Variants in CCDC149 observed in about 807,000 individuals in gnomAD.
CCDC149 encodes the protein coiled-coil domain-containing protein 149.
CCDC149 carries 45 observed loss-of-function variants against 59.9 expected under a neutral mutation model. That is an observed-to-expected ratio of 0.75 (90% confidence interval 0.59 to 0.96). The LOEUF is 0.96. Ranked by LOEUF, CCDC149 falls within the 40% of genes least tolerant of loss-of-function variation. The pLI is 0.00. For synonymous variants in CCDC149, 245 were observed against 260.6 expected (o/e 0.94, Z 0.58); for missense variants, 584 against 664.7 (o/e 0.88, Z 1.33).
At chr4:24,969,598 C>T (rs934714612) in intron 1 of CCDC149, among the ~76,000 whole-genome samples, 3 of 152,222 alleles carry the variant, frequency 2.0e-5, no homozygotes, top group Non-Finnish European at 2.9e-5. Context: ...CAAGCTGGAC[C>T]TGGTGCTCCT....
chr4:24,811,250 C>T (rs1714576691), intron 12 of CCDC149, among the ~76,000 whole-genome samples: 1 of 152,162 alleles, frequency 6.6e-6, no homozygotes, highest in Non-Finnish European at 1.5e-5. Flanking sequence ...TCCAATATCA[C>T]CTCATCTTTC....
chr4:24,872,488 C>T (rs1719103411), intron 3 of CCDC149, among the ~76,000 whole-genome samples: 2 of 152,130 alleles, frequency 1.3e-5, no homozygotes, highest in Admixed American at 6.5e-5. Flanking sequence ...TATTATGCAC[C>T]CACAGAATGG....
chr4:24,916,795 T>TGG (rs142435621), upstream of CCDC149, among the ~76,000 whole-genome samples: 1 of 140,310 alleles, frequency 7.1e-6, no homozygotes. Flanking sequence ...ATGGTGTGTG[T>TGG]GTGTGTGTGT....
chr4:24,805,772 C>T (rs1057287737), downstream of CCDC149, among the ~76,000 whole-genome samples: 4 of 152,236 alleles, frequency 2.6e-5, no homozygotes, highest in African/African-American at 4.8e-5. Context: ...TTGAAACACA[C>T]ACACACACGT....
At chr4:24,845,726 A>G (rs1717247325) in intron 4 of CCDC149, among the ~76,000 whole-genome samples, 1 of 152,208 alleles carries the variant, frequency 6.6e-6, no homozygotes, top group African/African-American at 2.4e-5. Flanking sequence ...TGTTGAAATG[A>G]ATTGACCGAA....
upstream of CCDC149, among the ~76,000 whole-genome samples, chr4:24,916,020 A>G (rs1722111263): frequency 6.6e-6 from 1 of 152,248 alleles, no homozygotes; most frequent in Admixed American, 6.5e-5. Context: ...TATCCCTGAT[A>G]AAAGCAGTAC....
chr4:24,845,070 T>C (rs1717197965), intron 4 of CCDC149, among the ~76,000 whole-genome samples: 1 of 152,222 alleles, frequency 6.6e-6, no homozygotes, highest in African/African-American at 2.4e-5. Context: ...AAGTCTATGC[T>C]GCGTTGCCTC....
intron 1 of CCDC149, 124 bp from the exon 2 acceptor site, chr4:24,876,821 G>T: frequency 1.1e-6 from 1 of 905,448 alleles, no homozygotes; most frequent in Non-Finnish European, 1.6e-6. Context: ...CTCATGTGCC[G>T]AGAGAGACAT....
At chr4:24,813,489 A>AATATATCTATATCTATATATATATAT (rs1186488610) in intron 12 of CCDC149, among the ~76,000 whole-genome samples, 13 of 113,724 alleles carry the variant, frequency 1.1e-4, no homozygotes, top group African/African-American at 5.2e-4. Context: ...CAGCTTGGGG[A>AATATATCTATATCTATATATATATAT]ATATATATAT....
chr4:24,941,336 C>T (rs1722948628), intron 1 of CCDC149, among the ~76,000 whole-genome samples: 1 of 152,210 alleles, frequency 6.6e-6, no homozygotes, highest in Non-Finnish European at 1.5e-5. Flanking sequence ...TAAAGATGTT[C>T]TTTGAAACCG....
chr4:24,954,807 A>T (rs994348207), intron 1 of CCDC149, among the ~76,000 whole-genome samples: 2 of 152,194 alleles, frequency 1.3e-5, no homozygotes, highest in African/African-American at 4.8e-5. Flanking sequence ...TGTCTTGATG[A>T]ATAGCACCTG....
intron 3 of CCDC149, among the ~76,000 whole-genome samples, chr4:24,854,369 T>C (rs758519984): frequency 7.9e-5 from 12 of 152,204 alleles, no homozygotes; most frequent in Admixed American, 2.6e-4. Flanking sequence ...ATGTGCGTTG[T>C]TCCAGACAGT....
At chr4:24,839,584 T>A (rs1049101340) in intron 4 of CCDC149, among the ~76,000 whole-genome samples, 1 of 152,174 alleles carries the variant, frequency 6.6e-6, no homozygotes, top group Admixed American at 6.5e-5. Context: ...TTCCAAAACA[T>A]AATTTTCCAA....
At chr4:24,870,753 G>A (rs1201737483) in intron 3 of CCDC149, among the ~76,000 whole-genome samples, 1 of 151,998 alleles carries the variant, frequency 6.6e-6, no homozygotes, top group East Asian at 1.9e-4. Flanking sequence ...AGCAGCAAAG[G>A]TGCTGCTTAT....
At chr4:24,952,453 A>G (rs1040486306) in intron 1 of CCDC149, among the ~76,000 whole-genome samples, 5 of 151,198 alleles carry the variant, frequency 3.3e-5, no homozygotes, top group African/African-American at 9.7e-5. Context: ...TTATCCAGGC[A>G]TGGTTGCAGG....
rs1239782211 is a variant in CCDC149, at chr4:24,819,944, G to C, written c.1107C>G (p.Pro369=). The C allele has an allele frequency of 6.4e-7, 1 of 1,551,362 alleles. No individual in the cohort carries two copies. The highest frequency in any genetic ancestry group is 2.0e-5 in the Admixed American group (1 of 50,952). The change falls in exon 12 of 13, where the codon CCC becomes CCG. Residue 369 remains proline (P), a synonymous_variant. Coordinates refer to ENST00000635206, the MANE Select transcript of CCDC149 (RefSeq NM_001330643.2). Reference sequence around the variant, plus strand: ...TCGACCTCTGTCCACTAGGAAGAGTGGGGTCGCTGAACAGTATGGTGTCCT... The same window carrying C: ...TCGACCTCTGTCCACTAGGAAGAGTCGGGTCGCTGAACAGTATGGTGTCCT...
At chr4:24,828,651 T>C (rs906934046) in intron 9 of CCDC149, 1 of 151,926 alleles carries the variant, frequency 6.6e-6, no homozygotes, top group African/African-American at 2.4e-5. Flanking sequence ...CGTGGTGGCA[T>C]GCACCTGTGG....
chr4:24,811,712 A>T (rs1156491904), intron 12 of CCDC149, among the ~76,000 whole-genome samples: 1 of 152,036 alleles, frequency 6.6e-6, no homozygotes, highest in East Asian at 1.9e-4. Context: ...GTCTCTACTA[A>T]AAATACAAAA....
intron 3 of CCDC149, among the ~76,000 whole-genome samples, chr4:24,871,947 A>C (rs1377556049): frequency 6.6e-6 from 1 of 152,206 alleles, no homozygotes; most frequent in African/African-American, 2.4e-5. Context: ...CAAAACCCCT[A>C]TCAAAATACC....
Sources: allele counts gnomAD v4.1 joint callset (sites outside exome capture counted in the v4.1 genomes callset), GRCh38; gene constraint gnomAD v4.1.1; transcripts MANE v1.5; gene names NCBI Gene and HGNC (gene_info 2026-07-23, HGNC 2026-07-21).